Variants in SESN1 observed in about 807,000 individuals in gnomAD.
SESN1 encodes sestrin-1.
A neutral mutation model predicts 59.3 loss-of-function variants in SESN1; 30 were observed. That is an observed-to-expected ratio of 0.51 (90% confidence interval 0.38 to 0.69). The LOEUF (loss-of-function observed/expected upper bound fraction) is 0.69. Among genes scored for constraint, SESN1 ranks in the 30% least tolerant of loss-of-function variants. The pLI, the probability that SESN1 is intolerant of heterozygous loss-of-function variation, is 0.00. For synonymous variants in SESN1, 197 were observed against 219.9 expected, an observed-to-expected ratio of 0.90 and a Z score of 0.92; for missense variants, 566 against 673.0, an observed-to-expected ratio of 0.84 and a Z score of 1.76.
At chr6:109,026,305 AG>A (rs931522012) in intron 1 of SESN1, among the ~76,000 whole-genome samples, 3 of 152,206 alleles carry the variant, frequency 2.0e-5, no homozygotes, top group African/African-American at 7.2e-5. Flanking sequence ...TGATCTCAGA[AG>A]GAAGTGTGAA....
chr6:109,027,204 G>A (rs913514555), intron 1 of SESN1, among the ~76,000 whole-genome samples: 23 of 151,916 alleles, frequency 1.5e-4, no homozygotes, highest in African/African-American at 5.6e-4. Flanking sequence ...TGGGGGTGGT[G>A]GCTCACGCCT....
intron 1 of SESN1, among the ~76,000 whole-genome samples, chr6:109,069,200 C>T (rs925622855): frequency 6.6e-6 from 1 of 151,642 alleles, no homozygotes; most frequent in Non-Finnish European, 1.5e-5. Flanking sequence ...ATACGTGACT[C>T]TAGGTGAAGG....
chr6:108,998,874 T>A, intron 4 of SESN1, 119 bp from the exon 5 acceptor site: 1 of 1,237,152 alleles, frequency 8.1e-7, no homozygotes, highest in Non-Finnish European at 1.1e-6. Context: ...TAGCATAAAA[T>A]TATCATTTGA....
intron 1 of SESN1, among the ~76,000 whole-genome samples, chr6:109,078,374 A>G (rs1781064569): frequency 6.6e-6 from 1 of 152,092 alleles, no homozygotes; most frequent in Admixed American, 6.5e-5. Flanking sequence ...GGAGTAAGAC[A>G]CTGTCTCAAA....
At chr6:109,012,883 G>C (rs1779882888) in intron 1 of SESN1, among the ~76,000 whole-genome samples, 1 of 152,118 alleles carries the variant, frequency 6.6e-6, no homozygotes, top group Non-Finnish European at 1.5e-5. Flanking sequence ...GGGAGGCCGA[G>C]GCAGGGCGGA....
rs769935193 is a variant in SESN1, at chr6:109,001,308, G to A, written c.526C>T (p.Arg176Cys). Residue 176 changes from arginine (R) to cysteine (C), a missense_variant, in exon 3 of 10, where the codon CGT becomes TGT. Coordinates refer to ENST00000436639, the MANE Select transcript of SESN1 (RefSeq NM_014454.3). ...CAAACCATTATTCCAATGTAGTGAC[G>A]ATAATGTAGGGGTAACGGCCCATCC... Reference protein sequence around the residue: ...QMDGPLPLHYRHYIGIMAAAR... With the variant: ...QMDGPLPLHYCHYIGIMAAAR... 2.3e-5 allele frequency: 37 copies of A among 1,613,500 alleles called. No homozygotes were observed. Among genetic ancestry groups the A allele is most frequent in the Non-Finnish European group, 3.1e-5 (37 of 1,179,636 alleles).
At chr6:109,090,975 A>G (rs1025919136) in intron 1 of SESN1, among the ~76,000 whole-genome samples, 2 of 152,110 alleles carry the variant, frequency 1.3e-5, no homozygotes, top group South Asian at 2.1e-4. Context: ...GGGTCTTGCT[A>G]TGTTGTTCAG....
At chr6:109,019,395 A>T (rs1010601391) in intron 1 of SESN1, among the ~76,000 whole-genome samples, 6 of 152,360 alleles carry the variant, frequency 3.9e-5, no homozygotes, top group Non-Finnish European at 7.3e-5. Context: ...TCAAAGTCTT[A>T]TTCTCATTAA....
At chr6:109,046,051 A>T (rs1387672807) in intron 1 of SESN1, among the ~76,000 whole-genome samples, 2 of 152,228 alleles carry the variant, frequency 1.3e-5, no homozygotes, top group Non-Finnish European at 2.9e-5. Flanking sequence ...AAAAAATATT[A>T]TATTTACAAG....
chr6:109,038,298 G>C (rs1329458605), intron 1 of SESN1, among the ~76,000 whole-genome samples: 1 of 152,188 alleles, frequency 6.6e-6, no homozygotes, highest in Non-Finnish European at 1.5e-5. Context: ...TTCAAGACCA[G>C]CCTGGCCAAC....
At chr6:109,008,902 A>G (rs1283313833) in intron 1 of SESN1, 1 of 986,652 alleles carries the variant, frequency 1.0e-6, no homozygotes, top group Non-Finnish European at 1.2e-6. Context: ...CTCTCTTTTA[A>G]GTAGGAGGCA....
intron 1 of SESN1, among the ~76,000 whole-genome samples, chr6:109,039,159 G>C (rs896919781): frequency 5.3e-5 from 8 of 151,556 alleles, no homozygotes; most frequent in Non-Finnish European, 1.0e-4. Context: ...GGAAGGAGGA[G>C]GAGGAGAAGA....
intron 1 of SESN1, among the ~76,000 whole-genome samples, chr6:109,039,054 G>A (rs1040393581): frequency 1.4e-5 from 2 of 141,448 alleles, no homozygotes; most frequent in African/African-American, 2.7e-5. Flanking sequence ...GAGGGAGAAG[G>A]AGAACAAGAA....
chr6:109,008,807 TGC>T (rs1284948866), intron 1 of SESN1: 28 of 985,506 alleles, frequency 2.8e-5, no homozygotes, highest in Non-Finnish European at 3.3e-5. Flanking sequence ...GTAAACGCTG[TGC>T]ATAACGTCAT....
At chr6:109,081,068 C>T (rs997117619) in intron 1 of SESN1, among the ~76,000 whole-genome samples, 3 of 151,552 alleles carry the variant, frequency 2.0e-5, no homozygotes, top group Non-Finnish European at 4.4e-5. Flanking sequence ...AAATCTGAAA[C>T]ACTTCTCGTC....
chr6:109,039,489 A>G (rs567029650), intron 1 of SESN1, among the ~76,000 whole-genome samples: 3 of 152,346 alleles, frequency 2.0e-5, no homozygotes, highest in African/African-American at 7.2e-5. Context: ...ACTTGGAGGC[A>G]AGAACATCAA....
intron 1 of SESN1, among the ~76,000 whole-genome samples, chr6:109,061,586 T>C (rs962297025): frequency 2.6e-5 from 4 of 152,140 alleles, no homozygotes; most frequent in Admixed American, 6.5e-5. Context: ...GGTGGACTGC[T>C]TGAGGTCAGG....
intron 1 of SESN1, among the ~76,000 whole-genome samples, chr6:109,061,672 C>T (rs1271388506): frequency 6.6e-6 from 1 of 151,970 alleles, no homozygotes; most frequent in Non-Finnish European, 1.5e-5. Flanking sequence ...GGCATGGTAG[C>T]ACACACCTGT....
At position 109,093,806 on chromosome 6, in the gene SESN1, T is replaced by G; in HGVS notation, c.268A>C (p.Lys90Gln). 1.2e-6 allele frequency: 2 copies of G among 1,613,632 alleles called. No individual in the cohort carries two copies. Among genetic ancestry groups the G allele is most frequent in the Non-Finnish European group, 1.7e-6 (2 of 1,179,572 alleles). Residue 90 changes from lysine to glutamine, a missense_variant, in exon 1 of 10, where the codon AAG (lysine) becomes CAG (glutamine). By Grantham distance (53) the Lys-to-Gln change is moderately conservative. Coordinates refer to ENST00000436639, the MANE Select transcript of SESN1 (RefSeq NM_014454.3). ...DVREKSEFIL[K>Q]SIQELGIRIP... ...ATGCTCTTCCTTACCTGGATGCTCT[T>G]CAGAATAAACTCACTTTTCTCTCTC... is the stretch of plus-strand genomic sequence containing the variant.
Sources: allele counts gnomAD v4.1 joint callset (sites outside exome capture counted in the v4.1 genomes callset), GRCh38; gene constraint gnomAD v4.1.1; transcripts MANE v1.5; gene names NCBI Gene and HGNC (gene_info 2026-07-23, HGNC 2026-07-21).